The following PDE4DIP variants were observed in gnomAD, a reference collection of about 807,000 sequenced individuals.
PDE4DIP encodes phosphodiesterase 4D interacting protein, also known as myomegalin.
In PDE4DIP, 59 loss-of-function variants were observed where a neutral mutation model predicts 221.4. The ratio of observed to expected loss-of-function variants is 0.27; its 90% CI spans 0.22 to 0.33. PDE4DIP has a LOEUF of 0.33. PDE4DIP is among the 10% of genes least tolerant of loss of function. The pLI, the probability that PDE4DIP is intolerant of heterozygous loss-of-function variation, is 1.00. For missense variants in PDE4DIP, 1,036 were observed against 2,154.2 expected (o/e 0.48, Z 10.28); for synonymous variants, 404 against 815.9 (o/e 0.50, Z 8.60).
chr1:148,960,065 C>G (rs1261692607), intron 5 of PDE4DIP, among the ~76,000 whole-genome samples: 1 of 152,250 alleles, frequency 6.6e-6, no homozygotes, highest in Non-Finnish European at 1.5e-5. Context: ...ACTCCTTTAC[C>G]CTAAATACTT....
chr1:148,927,885 A>C (rs1447875814), intron 1 of PDE4DIP, among the ~76,000 whole-genome samples: 1 of 151,544 alleles, frequency 6.6e-6, no homozygotes, highest in South Asian at 2.1e-4. Context: ...AATAGAATGC[A>C]TTCCCACTGA....
At chr1:148,987,456 C>T (rs587671085) in intron 21 of PDE4DIP, among the ~76,000 whole-genome samples, 9 of 152,224 alleles carry the variant, frequency 5.9e-5, no homozygotes, top group South Asian at 4.1e-4. Context: ...AAAATGTGAG[C>T]GTTCTTGTAA....
Position 148,892,477 on chromosome 1 carries a change from G to A in PDE4DIP, c.141+2583G>A, listed in dbSNP as rs1698947207. 3.3e-5 allele frequency among the ~76,000 whole-genome samples: 4 copies of A among 121,332 alleles called. No homozygotes were observed. The Admixed American group carries it at 3.4e-4, about 10-fold the overall frequency. The allele number at this position is 121,332 out of a possible 152,430, so 79.6% of individuals were successfully genotyped here. On this transcript the variant is annotated intron_variant, in intron 1 of 43. Coordinates refer to ENST00000369354, the Ensembl canonical transcript of PDE4DIP. Reference sequence around the variant, plus strand: ...TAGGAGCTGCACAAGGTGTATGTGGGGGGAGTGGAACACAGCCTATTGTCA... The same window carrying A: ...TAGGAGCTGCACAAGGTGTATGTGGAGGGAGTGGAACACAGCCTATTGTCA...
intron 1 of PDE4DIP, among the ~76,000 whole-genome samples, chr1:148,912,319 G>C (rs2042925435): frequency 6.9e-6 from 1 of 145,704 alleles, no homozygotes; most frequent in Non-Finnish European, 1.5e-5. Flanking sequence ...TGTCATTTTA[G>C]TTTTTCCTTT....
intron 31 of PDE4DIP, 85 bp downstream of exon 34, chr1:149,010,680 C>A: frequency 7.7e-7 from 1 of 1,297,156 alleles, no homozygotes; most frequent in Non-Finnish European, 1.1e-6. Context: ...GAGGTTTGGA[C>A]TGTTAGGGGC....
intron 5 of PDE4DIP, among the ~76,000 whole-genome samples, chr1:148,940,847 A>G (rs2050368620): frequency 1.3e-5 from 2 of 151,980 alleles, no homozygotes; most frequent in Admixed American, 6.6e-5. Context: ...AGTTTAATTC[A>G]TGGAAAAATT....
chr1:148,996,886 A>G (rs2064349387), intron 22 of PDE4DIP, among the ~76,000 whole-genome samples: 2 of 152,266 alleles, frequency 1.3e-5, no homozygotes, highest in Non-Finnish European at 2.9e-5. Flanking sequence ...TGATTTGTGG[A>G]AATGCACATC....
At chr1:148,933,070 G>A (rs1381108784) in intron 4 of PDE4DIP, among the ~76,000 whole-genome samples, 9 of 152,096 alleles carry the variant, frequency 5.9e-5, no homozygotes, top group Admixed American at 2.0e-4. Context: ...ATACATTTCC[G>A]TTGTTTATAA....
chr1:148,813,702 T>C (rs1198747208), intron 1 of PDE4DIP, among the ~76,000 whole-genome samples: 9 of 113,586 alleles, frequency 7.9e-5, no homozygotes, highest in Non-Finnish European at 1.5e-4. Flanking sequence ...TTTGCATTTT[T>C]ACATTTAGGC....
At chr1:149,009,925 C>T in intron 30 of PDE4DIP, 134 bp downstream of exon 33, 2 of 728,284 alleles carry the variant, frequency 2.7e-6, no homozygotes, top group Non-Finnish European at 4.9e-6. Context: ...GCACAGGCAC[C>T]AGTGGATCAG....
chr1:148,997,417 A>G (rs1211302076), intron 22 of PDE4DIP, among the ~76,000 whole-genome samples: 1 of 148,978 alleles, frequency 6.7e-6, no homozygotes, highest in Non-Finnish European at 1.5e-5. Flanking sequence ...TTTCTTCCAC[A>G]TGCTGAGATT....
At chr1:148,992,001 C>T (rs201256149) in intron 22 of PDE4DIP, 28 bp downstream of exon 25, 2 of 650,388 alleles carry the variant, frequency 3.1e-6, no homozygotes, top group Non-Finnish European at 5.6e-6. Flanking sequence ...TCTGGGACTT[C>T]CAGGGTGGAC....
At chr1:149,031,915 G>A (rs782119919) in intron 43 of PDE4DIP, 29 bp from the exon 47 acceptor site, 63 of 1,593,198 alleles carry the variant, frequency 4.0e-5, no homozygotes, top group Non-Finnish European at 5.1e-5. Flanking sequence ...AATATACACT[G>A]ATTTGGTTTG....
At chr1:148,997,952 G>A (rs1258586850) in intron 22 of PDE4DIP, among the ~76,000 whole-genome samples, 191 bp from the exon 26 acceptor site, 5 of 152,192 alleles carry the variant, frequency 3.3e-5, no homozygotes, top group Non-Finnish European at 7.4e-5. Context: ...TGCTCATTTT[G>A]TGTGTCCTTC....
At chr1:148,971,987 T>A in intron 14 of PDE4DIP, among the ~76,000 whole-genome samples, 193 bp from the exon 18 acceptor site, 1 of 131,520 alleles carries the variant, frequency 7.6e-6, no homozygotes, top group Middle Eastern at 3.5e-3. Context: ...AGACTTTCTT[T>A]CCATTCACTT....
At chr1:149,029,857 G>A in exon 42 of PDE4DIP, 1 of 1,607,842 alleles carries the variant, frequency 6.2e-7, no homozygotes, top group Non-Finnish European at 8.5e-7. Flanking sequence ...CTCCTTCAGA[G>A]CACAACTGAG....
intron 22 of PDE4DIP, among the ~76,000 whole-genome samples, chr1:148,995,833 G>A (rs2064071474): frequency 6.7e-6 from 1 of 148,308 alleles, no homozygotes; most frequent in African/African-American, 2.5e-5. Context: ...TGCACATTAT[G>A]CACATGTACC....
At chr1:148,987,840 G>A (rs2062179283) in intron 21 of PDE4DIP, among the ~76,000 whole-genome samples, 1 of 152,102 alleles carries the variant, frequency 6.6e-6, no homozygotes, top group African/African-American at 2.4e-5. Flanking sequence ...GCTGAGGTGG[G>A]AAGATCCCTT....
intron 1 of PDE4DIP, among the ~76,000 whole-genome samples, chr1:148,922,781 G>T (rs2045740398): frequency 6.7e-6 from 1 of 150,310 alleles, no homozygotes; most frequent in Non-Finnish European, 1.5e-5. Flanking sequence ...TAGAGACGGG[G>T]TTTCACCGTG....
Sources: gnomAD v4.1 joint callset for allele counts (sites outside exome capture counted in the v4.1 genomes callset) on GRCh38, gnomAD v4.1.1 for gene constraint, MANE v1.5 for transcripts, NCBI Gene and HGNC (gene_info 2026-07-23, HGNC 2026-07-21) for gene names.